ISM1: variants seen among roughly 807,000 people sequenced by gnomAD.
ISM1 encodes the protein isthmin-1.
A neutral mutation model predicts 46.3 loss-of-function variants in ISM1; 25 were observed. The ratio of observed to expected loss-of-function variants is 0.54; its 90% CI spans 0.39 to 0.75. The LOEUF (loss-of-function observed/expected upper bound fraction) is 0.75. Among genes scored for constraint, ISM1 ranks in the 30% least tolerant of loss-of-function variants. ISM1 has a pLI of 0.00. For missense variants in ISM1, 536 were observed against 625.4 expected, an observed-to-expected ratio of 0.86 and a Z score of 1.52; for synonymous variants, 255 against 256.7, an observed-to-expected ratio of 0.99 and a Z score of 0.06.
chr20:13,254,481 C>A (rs1354610385), intron 1 of ISM1, among the ~76,000 whole-genome samples: 1 of 152,174 alleles, frequency 6.6e-6, no homozygotes, highest in Non-Finnish European at 1.5e-5. Flanking sequence ...CCTGCTGAGC[C>A]TCATTTCTGC....
intron 1 of ISM1, among the ~76,000 whole-genome samples, chr20:13,264,481 A>T (rs1035816417): frequency 6.6e-6 from 1 of 152,146 alleles, no homozygotes; most frequent in African/African-American, 2.4e-5. Context: ...TCATTTCCAT[A>T]GCTTTATCTT....
At position 13,246,507 on chromosome 20, in the gene ISM1, T is replaced by G. The variant is rs544986907; in HGVS notation, c.139-23997T>G. On this transcript the variant is annotated intron_variant, in intron 1 of 5. Coordinates refer to ENST00000262487, the MANE Select transcript of ISM1 (RefSeq NM_080826.2). The stretch of plus-strand genomic sequence containing the variant: ...TACCCATGGCATGCAGTGTAGCTAC[T>G]TGCATATGGAAAGTGCCCAAGAAAG... 9.0e-4 allele frequency among the ~76,000 whole-genome samples: 137 copies of G among 152,308 alleles called. 1 individual carries two copies. The highest frequency in any genetic ancestry group is 3.2e-3 in the African/African-American group (133 of 41,578).
chr20:13,295,069 C>T (rs2040393747), intron 5 of ISM1, among the ~76,000 whole-genome samples: 1 of 152,246 alleles, frequency 6.6e-6, no homozygotes. Context: ...TCACCCTGAC[C>T]GTGTGATTTC....
At position 13,234,020 on chromosome 20, in the gene ISM1, C is replaced by A. The variant is rs186551089; in HGVS notation, c.138+12106C>A. Reference sequence around the variant, plus strand: ...GGTACAGGTGCAGGTTTCTTAGGTGCGTATATTGTGTAGTAGTGAAGTCTG... The same window carrying A: ...GGTACAGGTGCAGGTTTCTTAGGTGAGTATATTGTGTAGTAGTGAAGTCTG... On this transcript the variant is annotated intron_variant, in intron 1 of 5. Transcript: ENST00000262487. 1.3e-3 allele frequency among the ~76,000 whole-genome samples: 197 copies of A among 152,186 alleles called. 3 individuals are homozygous for A. The highest frequency in any genetic ancestry group is 4.6e-3 in the African/African-American group (192 of 41,500).
At chr20:13,313,118 C>T in the ISM1 span, among the ~76,000 whole-genome samples, 14 of 152,314 alleles carry the variant, frequency 9.2e-5, 1 homozygote, top group African/African-American at 1.9e-4. Flanking sequence ...CAATGACTCC[C>T]GCATCCAGGT....
the ISM1 span, among the ~76,000 whole-genome samples, chr20:13,306,564 C>CAAAAAAAAAAAAAAAAAAAAAA: frequency 3.6e-4 from 23 of 63,906 alleles, no homozygotes; most frequent in South Asian, 1.6e-3. Context: ...GGAGAAAGGA[C>CAAAAAAAAAAAAAAAAAAAAAA]AAAAAAAAAA....
intron 1 of ISM1, chr20:13,238,077 T>C (rs1049772656): frequency 6.6e-6 from 1 of 152,048 alleles, no homozygotes; most frequent in Non-Finnish European, 1.5e-5. Flanking sequence ...ATCTTCTTTA[T>C]AGGACATCGT....
chr20:13,257,376 G>A (rs538342324), intron 1 of ISM1, among the ~76,000 whole-genome samples: 118 of 152,204 alleles, frequency 7.8e-4, no homozygotes, highest in African/African-American at 2.7e-3. Flanking sequence ...AATTAGCCAA[G>A]CGTGGTGGTG....
the ISM1 span, among the ~76,000 whole-genome samples, chr20:13,313,869 T>C: frequency 6.6e-6 from 1 of 152,194 alleles, no homozygotes; most frequent in Non-Finnish European, 1.5e-5. Flanking sequence ...TGCTAAGGGC[T>C]CTAATGAATA....
rs368612636 is a variant in ISM1 at position 13,293,101 on chromosome 20, G to A, written c.877+638G>A. On this transcript the variant is annotated intron_variant, in intron 5 of 5. Transcript: ENST00000262487. Reference sequence around the variant, plus strand: ...TGTAGTCCCAGCTACTCGGGAGGCTGAGGCAGGAGAATGGTGTGAACCCAG... The same window carrying A: ...TGTAGTCCCAGCTACTCGGGAGGCTAAGGCAGGAGAATGGTGTGAACCCAG... Among the ~76,000 whole-genome samples the A allele has an allele frequency of 8.6e-5, 13 of 151,944 alleles. No individual in the cohort carries two copies. In the East Asian group the frequency reaches 1.9e-3, roughly 23 times the overall value.
At chr20:13,253,228 C>A (rs1043002767) in intron 1 of ISM1, among the ~76,000 whole-genome samples, 1 of 152,164 alleles carries the variant, frequency 6.6e-6, no homozygotes, top group African/African-American at 2.4e-5. Flanking sequence ...TCTCACCCTG[C>A]GTGTTGATCT....
intron 1 of ISM1, among the ~76,000 whole-genome samples, chr20:13,252,152 C>A (rs1250120079): frequency 6.6e-6 from 1 of 152,142 alleles, no homozygotes; most frequent in African/African-American, 2.4e-5. Flanking sequence ...GTGAATGGAT[C>A]CCTCAGGCCT....
chr20:13,322,879 C>T, the ISM1 span, among the ~76,000 whole-genome samples: 5 of 152,302 alleles, frequency 3.3e-5, no homozygotes, highest in Admixed American at 6.5e-5. Flanking sequence ...TCCCCACCCC[C>T]GCTGCCCTGA....
chr20:13,224,973 G>A (rs908140219), intron 1 of ISM1, among the ~76,000 whole-genome samples: 3 of 149,732 alleles, frequency 2.0e-5, no homozygotes, highest in Admixed American at 6.7e-5. Flanking sequence ...AGCCTCCCAA[G>A]TAGCTGGGAC....
At chr20:13,278,712 G>A (rs2040206826) in intron 2 of ISM1, among the ~76,000 whole-genome samples, 1 of 152,176 alleles carries the variant, frequency 6.6e-6, no homozygotes. Context: ...GATTGCTGTG[G>A]GTCAGGAATT....
intron 1 of ISM1, among the ~76,000 whole-genome samples, chr20:13,232,071 A>C (rs2039594266): frequency 6.6e-6 from 1 of 152,248 alleles, no homozygotes. Flanking sequence ...AACAAATAAC[A>C]GACATGCCTT....
intron 1 of ISM1, among the ~76,000 whole-genome samples, chr20:13,235,507 C>T (rs1206290980): frequency 6.6e-6 from 1 of 152,166 alleles, no homozygotes; most frequent in East Asian, 1.9e-4. Context: ...AGAAGCTGCT[C>T]AGCCTGGCTG....
the ISM1 span, among the ~76,000 whole-genome samples, chr20:13,310,188 T>C: frequency 7.2e-5 from 11 of 152,152 alleles, no homozygotes; most frequent in Admixed American, 2.6e-4. Flanking sequence ...TGTCAAAATA[T>C]ACTACAAAGG....
At chr20:13,225,567 G>A (rs766924292) in intron 1 of ISM1, among the ~76,000 whole-genome samples, 36 of 152,100 alleles carry the variant, frequency 2.4e-4, no homozygotes, top group South Asian at 4.1e-4. Context: ...ATGCCCTAGT[G>A]TGCTCAAAAC....
Sources: gnomAD v4.1 joint callset for allele counts (sites outside exome capture counted in the v4.1 genomes callset) on GRCh38, gnomAD v4.1.1 for gene constraint, MANE v1.5 for transcripts, NCBI Gene and HGNC (gene_info 2026-07-23, HGNC 2026-07-21) for gene names.